The following SHISA9 variants were observed in gnomAD, a reference collection of about 807,000 sequenced individuals.
SHISA9 encodes protein shisa-9.
Under a neutral mutation model 38.0 loss-of-function variants are expected in SHISA9, and 13 were observed. The ratio of observed to expected loss-of-function variants is 0.34; its 90% CI spans 0.22 to 0.54. SHISA9 has a LOEUF of 0.54. Ranked by LOEUF, SHISA9 falls within the 20% of genes least tolerant of loss-of-function variation. SHISA9 has a pLI of 0.91. For missense variants in SHISA9, 538 were observed against 575.8 expected, an observed-to-expected ratio of 0.93 and a Z score of 0.67; for synonymous variants, 275 against 242.0, an observed-to-expected ratio of 1.14 and a Z score of -1.27.
intron 2 of SHISA9, among the ~76,000 whole-genome samples, chr16:12,918,249 T>C (rs561545300): frequency 6.6e-6 from 1 of 152,170 alleles, no homozygotes; most frequent in Non-Finnish European, 1.5e-5. Flanking sequence ...TGTCCGATTC[T>C]GGCTTTAATG....
chr16:13,476,811 T>C, the SHISA9 span, among the ~76,000 whole-genome samples: 48,095 of 142,390 alleles, frequency 0.34, 8,922 homozygotes, highest in African/African-American at 0.52. Context: ...TGCAGTGGCG[T>C]GATCTCGGCT....
chr16:13,059,781 A>G (rs1288527350), intron 2 of SHISA9, among the ~76,000 whole-genome samples: 1 of 152,186 alleles, frequency 6.6e-6, no homozygotes, highest in Non-Finnish European at 1.5e-5. Flanking sequence ...GCCCCAATCC[A>G]GTATGACTGA....
the SHISA9 span, among the ~76,000 whole-genome samples, chr16:13,301,035 A>G: frequency 1.3e-5 from 2 of 151,572 alleles, no homozygotes; most frequent in Admixed American, 1.3e-4. Context: ...TTTATCACCA[A>G]TTCGTCTTTC....
At chr16:13,066,289 G>A (rs752923151) in intron 2 of SHISA9, among the ~76,000 whole-genome samples, 2 of 152,046 alleles carry the variant, frequency 1.3e-5, no homozygotes, top group Non-Finnish European at 2.9e-5. Flanking sequence ...GGGACTTAGG[G>A]GCTATTTGTT....
chr16:13,160,088 T>G (rs1198588959), intron 2 of SHISA9, among the ~76,000 whole-genome samples: 2 of 152,134 alleles, frequency 1.3e-5, no homozygotes, highest in Admixed American at 6.5e-5. Flanking sequence ...TTGGGAAACT[T>G]TAAGTGTGGA....
intron 2 of SHISA9, among the ~76,000 whole-genome samples, chr16:13,070,150 G>GTGTT (rs2073495247): frequency 6.6e-6 from 1 of 150,688 alleles, no homozygotes; most frequent in East Asian, 1.9e-4. Context: ...GTGTGTGTGT[G>GTGTT]TGTGCACGCA....
At chr16:13,401,765 A>G in the SHISA9 span, among the ~76,000 whole-genome samples, 1 of 152,178 alleles carries the variant, frequency 6.6e-6, no homozygotes, top group Admixed American at 6.5e-5. Context: ...GTATGTTTTC[A>G]TACTGCTATG....
At position 13,095,383 on chromosome 16, in the gene SHISA9, CT is replaced by C. The variant is rs549107348; in HGVS notation, c.692-108009del. Among the ~76,000 whole-genome samples, 486 of 152,284 alleles carry C rather than the reference CT, an allele frequency of 3.2e-3. 1 individual carries two copies. The highest frequency in any genetic ancestry group is 5.6e-3 in the Non-Finnish European group (381 of 68,036). ...CCTGCATTCTGCAGAGGTTGCACAT[CT>C]TAACAAAATGGGGAAGAAGCAATGA... On this transcript the variant is annotated intron_variant, in intron 2 of 4. Coordinates refer to ENST00000558583, the MANE Select transcript of SHISA9 (RefSeq NM_001145204.3).
Position 13,239,482 on chromosome 16 carries a change from A to G in SHISA9, c.*4073A>G, listed in dbSNP as rs1386613159. 6.6e-6 allele frequency: 1 copy of G among 151,612 alleles called. No individual in the cohort carries two copies. The highest frequency in any genetic ancestry group is 2.4e-5 in the African/African-American group (1 of 41,296). The allele number at this position is 151,612 out of a possible 1,614,324, so 9.4% of individuals were successfully genotyped here. ...TGTAAAAGTGTTCCTATTTCTCCAC[A>G]TCCTCTCCAGCACCTGTTGTTTCCT... is the stretch of plus-strand genomic sequence containing the variant. On this transcript the variant is annotated 3_prime_UTR_variant, in exon 5 of 5. Transcript: ENST00000558583.
intron 2 of SHISA9, among the ~76,000 whole-genome samples, chr16:12,934,770 G>A (rs1050062844): frequency 6.6e-6 from 1 of 152,162 alleles, no homozygotes; most frequent in Non-Finnish European, 1.5e-5. Flanking sequence ...TCTCCTCTCT[G>A]TACCCTCATC....
Position 13,114,499 on chromosome 16 carries a change from A to G in SHISA9, c.692-88895A>G, listed in dbSNP as rs567531125. Among the ~76,000 whole-genome samples the G allele has an allele frequency of 2.4e-4, 37 of 151,252 alleles. No homozygotes were observed. The South Asian group carries it at 7.8e-3, about 32-fold the overall frequency. On this transcript the variant is annotated intron_variant, in intron 2 of 4. Transcript: ENST00000558583. ...AAAAAAAAAAAAAAAGACGAAAAAT[A>G]CGAAGAACTAGGTAACAATCACCCA...
At chr16:12,990,256 A>G (rs1192398953) in intron 2 of SHISA9, among the ~76,000 whole-genome samples, 1 of 152,178 alleles carries the variant, frequency 6.6e-6, no homozygotes, top group Non-Finnish European at 1.5e-5. Flanking sequence ...ATGTGCATCT[A>G]TCTTTATAAT....
chr16:13,281,776 T>C, the SHISA9 span, among the ~76,000 whole-genome samples: 1 of 151,742 alleles, frequency 6.6e-6, no homozygotes, highest in East Asian at 1.9e-4. Flanking sequence ...AATTTTTGCT[T>C]TCTTTTTCCA....
the SHISA9 span, among the ~76,000 whole-genome samples, chr16:13,427,602 G>A: frequency 6.6e-6 from 1 of 152,172 alleles, no homozygotes; most frequent in Admixed American, 6.6e-5. Flanking sequence ...GGAAAAAGTA[G>A]AGGGAAGTGG....
At chr16:12,917,310 G>A (rs1167057650) in intron 2 of SHISA9, among the ~76,000 whole-genome samples, 1 of 152,130 alleles carries the variant, frequency 6.6e-6, no homozygotes, top group Non-Finnish European at 1.5e-5. Context: ...TCTTTGTAAC[G>A]CTAGAGTTTC....
At chr16:12,948,168 A>G (rs2071710745) in intron 2 of SHISA9, among the ~76,000 whole-genome samples, 1 of 152,204 alleles carries the variant, frequency 6.6e-6, no homozygotes, top group African/African-American at 2.4e-5. Flanking sequence ...GCCCTTTTAC[A>G]TATCTGAAAA....
chr16:13,382,416 C>A, the SHISA9 span, among the ~76,000 whole-genome samples: 1 of 150,512 alleles, frequency 6.6e-6, no homozygotes, highest in Non-Finnish European at 1.5e-5. Flanking sequence ...TAATCCCAGC[C>A]ACTTGGGAGC....
At chr16:13,042,539 G>C (rs911610626) in intron 2 of SHISA9, among the ~76,000 whole-genome samples, 1 of 152,178 alleles carries the variant, frequency 6.6e-6, no homozygotes, top group Non-Finnish European at 1.5e-5. Flanking sequence ...AGAACAGTTG[G>C]TTTCCTCTGA....
chr16:13,331,949 G>C, the SHISA9 span: 1 of 152,174 alleles, frequency 6.6e-6, no homozygotes, highest in Non-Finnish European at 1.5e-5. Context: ...CGTTCAGAAA[G>C]TACTCTCTTT....
Sources: gnomAD v4.1 joint callset for allele counts (sites outside exome capture counted in the v4.1 genomes callset) on GRCh38, gnomAD v4.1.1 for gene constraint, MANE v1.5 for transcripts, NCBI Gene and HGNC (gene_info 2026-07-23, HGNC 2026-07-21) for gene names.